The following OLFM3 variants were observed in gnomAD, a reference collection of about 807,000 sequenced individuals.
The protein encoded by OLFM3 is noelin-3.
OLFM3 carries 20 observed loss-of-function variants against 48.6 expected under a neutral mutation model. The ratio of observed to expected loss-of-function variants is 0.41; its 90% CI spans 0.29 to 0.60. The LOEUF (loss-of-function observed/expected upper bound fraction) is 0.60. OLFM3 is among the 20% of genes least tolerant of loss of function. OLFM3 has a pLI of 0.28. For missense variants in OLFM3, 437 were observed against 544.3 expected, an observed-to-expected ratio of 0.80 and a Z score of 1.96; for synonymous variants, 222 against 198.1, an observed-to-expected ratio of 1.12 and a Z score of -1.01.
chr1:101,961,671 C>T (rs1466564532), intron 1 of OLFM3, among the ~76,000 whole-genome samples: 1 of 151,904 alleles, frequency 6.6e-6, no homozygotes, highest in African/African-American at 2.4e-5. Flanking sequence ...CTGCAGACAG[C>T]GAGGAGAGAC....
At chr1:101,818,844 C>A (rs1654464931) in intron 4 of OLFM3, among the ~76,000 whole-genome samples, 1 of 152,072 alleles carries the variant, frequency 6.6e-6, no homozygotes, top group African/African-American at 2.4e-5. Flanking sequence ...TTGAAAGCAA[C>A]TTAAAGCTTT....
At chr1:101,914,034 A>G (rs1168375633) in intron 1 of OLFM3, among the ~76,000 whole-genome samples, 1 of 152,216 alleles carries the variant, frequency 6.6e-6, no homozygotes, top group Admixed American at 6.5e-5. Flanking sequence ...AATATTTACA[A>G]GGAGACTTTC....
intron 1 of OLFM3, among the ~76,000 whole-genome samples, chr1:101,936,942 A>C (rs1289886464): frequency 2.6e-5 from 4 of 152,188 alleles, no homozygotes; most frequent in Non-Finnish European, 4.4e-5. Flanking sequence ...CCCCTTCCGT[A>C]CATCATATAT....
chr1:101,850,603 G>A (rs1656186614), intron 1 of OLFM3, among the ~76,000 whole-genome samples: 1 of 151,898 alleles, frequency 6.6e-6, no homozygotes, highest in Non-Finnish European at 1.5e-5. Context: ...AAGGTTTCTA[G>A]AAGACACAAC....
intron 1 of OLFM3, among the ~76,000 whole-genome samples, chr1:101,876,967 T>C (rs914317944): frequency 1.3e-5 from 2 of 151,956 alleles, no homozygotes; most frequent in African/African-American, 2.4e-5. Context: ...AATTTCAGTT[T>C]GTCAACTAGA....
At chr1:101,861,130 C>T (rs768429646) in intron 1 of OLFM3, among the ~76,000 whole-genome samples, 8 of 152,070 alleles carry the variant, frequency 5.3e-5, no homozygotes, top group Middle Eastern at 3.4e-3. Context: ...GGTGCGATCT[C>T]GGCTCACTGC....
At chr1:101,878,314 C>T (rs1304852430) in intron 1 of OLFM3, among the ~76,000 whole-genome samples, 2 of 151,770 alleles carry the variant, frequency 1.3e-5, no homozygotes, top group African/African-American at 4.8e-5. Context: ...GTGCAGCACA[C>T]CTGAATTAAC....
intron 1 of OLFM3, chr1:101,846,914 G>C: frequency 1.2e-6 from 2 of 1,612,794 alleles, no homozygotes; most frequent in African/African-American, 1.3e-5. Flanking sequence ...GGGACATCCA[G>C]TTTGAGATCA....
chr1:101,816,572 CAT>C (rs1317696435), intron 4 of OLFM3, among the ~76,000 whole-genome samples: 2 of 152,146 alleles, frequency 1.3e-5, no homozygotes, highest in Non-Finnish European at 2.9e-5. Context: ...AACACTGAGG[CAT>C]GAGTTAGGAA....
intron 1 of OLFM3, among the ~76,000 whole-genome samples, chr1:101,933,123 A>G (rs555072823): frequency 1.4e-5 from 2 of 143,900 alleles, no homozygotes; most frequent in East Asian, 4.5e-4. Context: ...AATGGCATGA[A>G]CCCGGGAGGC....
chr1:101,817,698 TA>T (rs1356874112), intron 4 of OLFM3, among the ~76,000 whole-genome samples: 2 of 152,082 alleles, frequency 1.3e-5, no homozygotes, highest in African/African-American at 4.8e-5. Context: ...GCTATGCCCT[TA>T]TAAACAAATT....
At chr1:101,816,813 G>A (rs2100880766) in intron 4 of OLFM3, among the ~76,000 whole-genome samples, 1 of 152,250 alleles carries the variant, frequency 6.6e-6, no homozygotes, top group Admixed American at 6.5e-5. Flanking sequence ...TCAGCGTTAT[G>A]TTTATGATCA....
intron 1 of OLFM3, among the ~76,000 whole-genome samples, chr1:101,852,483 C>A (rs1218921195): frequency 1.3e-5 from 2 of 152,050 alleles, no homozygotes; most frequent in Admixed American, 6.6e-5. Flanking sequence ...ATTTTATGAC[C>A]TCTCTTTCTT....
At chr1:101,946,430 C>T (rs781592373) in intron 1 of OLFM3, among the ~76,000 whole-genome samples, 1 of 152,096 alleles carries the variant, frequency 6.6e-6, no homozygotes, top group African/African-American at 2.4e-5. Flanking sequence ...TATCTGGTTC[C>T]AACCCTTTAA....
intron 1 of OLFM3, among the ~76,000 whole-genome samples, chr1:101,958,835 T>TTATATATATATATA (rs10571792): frequency 1.4e-5 from 2 of 146,392 alleles, no homozygotes; most frequent in Non-Finnish European, 3.0e-5. Flanking sequence ...CAAAGTGATA[T>TTATATATATATATA]TATATATATA....
At chr1:101,850,179 TA>T (rs1157824180) in intron 1 of OLFM3, among the ~76,000 whole-genome samples, 2 of 152,200 alleles carry the variant, frequency 1.3e-5, no homozygotes, top group Non-Finnish European at 2.9e-5. Context: ...GAAATATTAC[TA>T]AATCTAATAA....
intron 1 of OLFM3, among the ~76,000 whole-genome samples, chr1:101,869,003 A>C (rs959238187): frequency 5.3e-5 from 8 of 152,234 alleles, no homozygotes; most frequent in Admixed American, 1.3e-4. Flanking sequence ...CTGGATATCC[A>C]GGCAGAAGTT....
rs200109254 is a variant in OLFM3 at position 101,837,379 on chromosome 1, ATCT to A, written c.70-357_70-355del. ...CATATGACTCGTCTTTCTACATAAG[ATCT>A]TCTTAACAGTAAATGACAATTACTA... On this transcript the variant is annotated intron_variant, in intron 1 of 5. Transcript: ENST00000370103. Among the ~76,000 whole-genome samples, 678 of 152,268 alleles carry A rather than the reference ATCT, an allele frequency of 4.5e-3. 4 individuals carry two copies. Among genetic ancestry groups the A allele is most frequent in the Non-Finnish European group, 6.8e-3 (461 of 68,020 alleles).
intron 2 of OLFM3, among the ~76,000 whole-genome samples, chr1:101,831,240 G>A (rs928362848): frequency 6.6e-6 from 1 of 152,194 alleles, no homozygotes; most frequent in African/African-American, 2.4e-5. Flanking sequence ...GTGGATGGTA[G>A]TGAAGTGTCG....
Sources: gnomAD v4.1 joint callset for allele counts (sites outside exome capture counted in the v4.1 genomes callset) on GRCh38, gnomAD v4.1.1 for gene constraint, MANE v1.5 for transcripts, NCBI Gene and HGNC (gene_info 2026-07-23, HGNC 2026-07-21) for gene names.